The following CDC14B variants were observed in gnomAD, a reference collection of about 807,000 sequenced individuals.
CDC14B encodes the protein cell division cycle 14B, also known as dual specificity protein phosphatase CDC14B.
CDC14B carries 22 observed loss-of-function variants against 64.2 expected under a neutral mutation model. The ratio of observed to expected loss-of-function variants is 0.34; its 90% CI spans 0.24 to 0.49. The LOEUF (loss-of-function observed/expected upper bound fraction) is 0.49. Among genes scored for constraint, CDC14B ranks in the 20% least tolerant of loss-of-function variants. CDC14B has a pLI of 0.99. For synonymous variants in CDC14B, 191 were observed against 215.8 expected, an observed-to-expected ratio of 0.89 and a Z score of 1.01; for missense variants, 498 against 629.9, an observed-to-expected ratio of 0.79 and a Z score of 2.24.
chr9:96,519,510 T>TGGTAC (rs1198613784), intron 12 of CDC14B, among the ~76,000 whole-genome samples: 8 of 151,886 alleles, frequency 5.3e-5, no homozygotes, highest in Admixed American at 2.0e-4. Context: ...CTGAGGTGGG[T>TGGTAC]GTACCACTTG....
chr9:96,595,747 C>T (rs2118706442), intron 1 of CDC14B, among the ~76,000 whole-genome samples: 1 of 152,158 alleles, frequency 6.6e-6, no homozygotes, highest in Admixed American at 6.5e-5. Flanking sequence ...ATGAAATATT[C>T]AAAATAGGAA....
chr9:96,524,468 T>C (rs938945868), intron 9 of CDC14B, among the ~76,000 whole-genome samples: 3 of 152,240 alleles, frequency 2.0e-5, no homozygotes, highest in African/African-American at 7.2e-5. Flanking sequence ...CCAATTATGT[T>C]TTCTGGTCTG....
intron 13 of CDC14B, among the ~76,000 whole-genome samples, chr9:96,495,052 G>A (rs867991791): frequency 6.6e-6 from 1 of 151,490 alleles, no homozygotes; most frequent in Non-Finnish European, 1.5e-5. Context: ...GCCAGGATGG[G>A]CTCGATCTCC....
In CDC14B at chr9:96,534,162, A is replaced by G. The variant is rs763928471; in HGVS notation, c.716-5T>C. The G allele has an allele frequency of 2.9e-5, 44 of 1,533,186 alleles. 1 individual carries two copies. In the East Asian group the frequency reaches 9.2e-4, roughly 32 times the overall value. The allele number at this position is 1,533,186 out of a possible 1,614,324, so 95.0% of individuals were successfully genotyped here. ...CAGGAGAATGTTGGTGGTAACCTAC[A>G]TAAAGAAATGCACCAGATCTTATAA... is the stretch of plus-strand genomic sequence containing the variant. On this transcript the variant is annotated splice_polypyrimidine_tract_variant and splice_region_variant and intron_variant, in intron 8 of 13. Transcript: ENST00000375241.
intron 13 of CDC14B, among the ~76,000 whole-genome samples, chr9:96,507,249 G>A (rs1442087457): frequency 1.4e-5 from 2 of 147,466 alleles, no homozygotes; most frequent in African/African-American, 2.5e-5. Context: ...CCTGGAAGAC[G>A]AAGTTTGCAG....
chr9:96,602,920 C>T (rs903367313), intron 1 of CDC14B, among the ~76,000 whole-genome samples: 3 of 151,978 alleles, frequency 2.0e-5, no homozygotes, highest in Non-Finnish European at 4.4e-5. Flanking sequence ...AGCCTTAGCA[C>T]TGAAGAGACA....
intron 1 of CDC14B, among the ~76,000 whole-genome samples, chr9:96,582,734 A>G (rs1480818430): frequency 6.6e-6 from 1 of 152,168 alleles, no homozygotes; most frequent in Admixed American, 6.6e-5. Flanking sequence ...AACAACACAA[A>G]AGCAAAATCA....
chr9:96,553,093 A>G (rs1423430853), intron 4 of CDC14B, among the ~76,000 whole-genome samples: 1 of 152,180 alleles, frequency 6.6e-6, no homozygotes, highest in Non-Finnish European at 1.5e-5. Flanking sequence ...ACTTAGCTGA[A>G]CCCAAATCTA....
intron 1 of CDC14B, chr9:96,567,155 C>A: frequency 2.4e-6 from 1 of 416,068 alleles, no homozygotes; most frequent in Non-Finnish European, 4.4e-6. Context: ...CTCCAGTGCC[C>A]AAACGCTCCG....
At position 96,500,889 on chromosome 9, in the gene CDC14B, A is replaced by G; in HGVS notation, c.*2864T>C. 1.8e-5 allele frequency: 2 copies of G among 111,146 alleles called. 1 individual carries two copies. The highest frequency in any genetic ancestry group is 3.6e-5 in the Non-Finnish European group (2 of 54,818). 6.9% of individuals were successfully genotyped at this position (111,146 alleles called of 1,614,324 possible). ...AAGCCCAGGCCATCCCGCCCAGCCC[A>G]GCGAGCACACTGGCCTCATAACAAT... On this transcript the variant is annotated 3_prime_UTR_variant, in exon 14 of 14. Coordinates refer to ENST00000375241, the MANE Select transcript of CDC14B (RefSeq NM_033331.4).
intron 12 of CDC14B, chr9:96,514,990 A>C (rs1158503688): frequency 1.1e-6 from 1 of 930,368 alleles, no homozygotes; most frequent in Non-Finnish European, 1.3e-6. Context: ...CATCATATGG[A>C]AATGCACCAA....
At chr9:96,524,163 C>A (rs201835008) in intron 9 of CDC14B, among the ~76,000 whole-genome samples, 1 of 152,236 alleles carries the variant, frequency 6.6e-6, no homozygotes, top group Non-Finnish European at 1.5e-5. Context: ...GTCTCAAACT[C>A]ACCTCACCTC....
chr9:96,591,891 G>A (rs1451782924), intron 1 of CDC14B, among the ~76,000 whole-genome samples: 2 of 151,696 alleles, frequency 1.3e-5, no homozygotes, highest in African/African-American at 2.4e-5. Flanking sequence ...GACTACAGGC[G>A]CCCACCAACT....
chr9:96,561,709 G>C (rs1397472095), intron 4 of CDC14B, among the ~76,000 whole-genome samples: 3 of 150,874 alleles, frequency 2.0e-5, no homozygotes, highest in African/African-American at 7.3e-5. Flanking sequence ...GGATGGTCTC[G>C]ATCTCCTGAC....
At chr9:96,507,260 T>C (rs1040871197) in intron 13 of CDC14B, among the ~76,000 whole-genome samples, 3 of 139,124 alleles carry the variant, frequency 2.2e-5, no homozygotes, top group Non-Finnish European at 4.5e-5. Context: ...AAGTTTGCAG[T>C]GAGCCGAGAA....
rs1348616852 is a variant in CDC14B at position 96,551,569 on chromosome 9, TC to T, written c.497+226del. ...AGTGGGTGTGGGGATTTTACCAGCATCTAGTGGGCAGAAGCCACGGAGGCCA... is the reference window on the plus strand; with the variant it reads ...AGTGGGTGTGGGGATTTTACCAGCATTAGTGGGCAGAAGCCACGGAGGCCA... On this transcript the variant is annotated intron_variant, in intron 5 of 13. Coordinates refer to ENST00000375241, the MANE Select transcript of CDC14B (RefSeq NM_033331.4). 2.6e-5 allele frequency among the ~76,000 whole-genome samples: 4 copies of T among 152,052 alleles called. No homozygotes were observed. In the East Asian group the frequency reaches 7.7e-4, roughly 29 times the overall value.
chr9:96,536,030 G>A (rs913029762), intron 7 of CDC14B, among the ~76,000 whole-genome samples: 1 of 152,236 alleles, frequency 6.6e-6, no homozygotes, highest in African/African-American at 2.4e-5. Context: ...TCAGTTGTTG[G>A]CAACAACTAG....
rs1238927372 is a variant in CDC14B at position 96,607,274 on chromosome 9, A to ATGGT, written c.160+11944_160+11945insACCA. Among the ~76,000 whole-genome samples, 4 of 151,928 alleles carry ATGGT rather than the reference A, an allele frequency of 2.6e-5. 1 individual carries two copies. The highest frequency in any genetic ancestry group is 5.9e-5 in the Non-Finnish European group (4 of 67,994). Reference sequence around the variant, plus strand: ...CTAAAAATCTGATCAATGCTACCTGAAAAGGCCCCCATGGATAAGGGATGC... The same window carrying ATGGT: ...CTAAAAATCTGATCAATGCTACCTGATGGTAAAGGCCCCCATGGATAAGGGATGC... On this transcript the variant is annotated intron_variant, in intron 1 of 13. Transcript: ENST00000375241.
intron 5 of CDC14B, among the ~76,000 whole-genome samples, chr9:96,542,735 G>A (rs1039783945): frequency 6.6e-6 from 1 of 152,020 alleles, no homozygotes; most frequent in Admixed American, 6.5e-5. Context: ...CCTCTGCCGG[G>A]CGCAGTGGCT....
Sources: allele counts gnomAD v4.1 joint callset (sites outside exome capture counted in the v4.1 genomes callset), GRCh38; gene constraint gnomAD v4.1.1; transcripts MANE v1.5; gene names NCBI Gene and HGNC (gene_info 2026-07-23, HGNC 2026-07-21).